FSTL5: variants seen among roughly 807,000 people sequenced by gnomAD.
FSTL5 encodes the protein follistatin like 5, also known as follistatin-related protein 5.
Under a neutral mutation model 89.1 loss-of-function variants are expected in FSTL5, and 62 were observed. That is an observed-to-expected ratio of 0.70 (90% CI 0.57 to 0.86). FSTL5 has a LOEUF of 0.86. FSTL5 is among the 40% of genes least tolerant of loss of function. The probability of loss-of-function intolerance (pLI) is 0.00; values close to 1 mark genes in which losing one functional copy is unlikely to be tolerated. For missense variants in FSTL5, 1,057 were observed against 1,001.6 expected (o/e 1.06, Z -0.75); for synonymous variants, 383 against 346.2 (o/e 1.11, Z -1.18).
Position 161,385,839 on chromosome 4 carries a change from G to A in FSTL5, c.2452C>T (p.Leu818Phe), listed in dbSNP as rs867713984. 1.2e-6 allele frequency: 2 copies of A among 1,613,752 alleles called. No individual in the cohort carries two copies. Among genetic ancestry groups the A allele is most frequent in the South Asian group, 2.2e-5 (2 of 91,056 alleles). ...TTGAGTCGTCCATCTAGGATGAAGA[G>A]AGAGTCCTTGGAAGGTGTCATCAGG... ...QYLMTPSKDS[L>F]FILDGRLNKL... The change falls in exon 16 of 16, where the codon CTC (leucine) becomes TTC (phenylalanine). Residue 818 changes from leucine to phenylalanine, a missense_variant. Physicochemically the swap from Leu to Phe is conservative, Grantham distance 22 (BLOSUM62 0). Around this residue, in one of 3 missense-constraint regions of FSTL5, gnomAD observed 68 missense variants for 73.3 expected, o/e 0.93. Coordinates refer to ENST00000306100, the MANE Select transcript of FSTL5 (RefSeq NM_020116.5).
intron 2 of FSTL5, among the ~76,000 whole-genome samples, chr4:162,049,573 G>A (rs897676422): frequency 6.6e-6 from 1 of 152,108 alleles, no homozygotes; most frequent in African/African-American, 2.4e-5. Context: ...GGTGCCTTTG[G>A]TTCTCAACCC....
intron 6 of FSTL5, among the ~76,000 whole-genome samples, chr4:161,681,813 T>C (rs983642101): frequency 2.0e-5 from 3 of 152,150 alleles, no homozygotes; most frequent in Non-Finnish European, 4.4e-5. Context: ...GTCAAATTGC[T>C]TTACAAAAGA....
intron 4 of FSTL5, among the ~76,000 whole-genome samples, chr4:161,852,032 A>G (rs924091319): frequency 2.0e-5 from 3 of 152,044 alleles, no homozygotes; most frequent in Admixed American, 6.6e-5. Context: ...CAGAAAATGC[A>G]TTGTAAATTA....
chr4:162,111,613 C>T (rs984602978), intron 1 of FSTL5, among the ~76,000 whole-genome samples: 1 of 151,220 alleles, frequency 6.6e-6, no homozygotes, highest in Non-Finnish European at 1.5e-5. Flanking sequence ...TTCATTCAGA[C>T]AGCTATATAA....
At chr4:161,488,690 GGTGAA>G (rs1183444923) in intron 12 of FSTL5, among the ~76,000 whole-genome samples, 2 of 152,014 alleles carry the variant, frequency 1.3e-5, no homozygotes, top group African/African-American at 4.8e-5. Flanking sequence ...TATTTGAAAA[GGTGAA>G]GTGATCAATA....
intron 3 of FSTL5, among the ~76,000 whole-genome samples, chr4:162,005,924 A>T (rs1736602884): frequency 6.6e-6 from 1 of 151,984 alleles, no homozygotes. Context: ...CATATTTACA[A>T]AATTCTAAGT....
intron 6 of FSTL5, among the ~76,000 whole-genome samples, chr4:161,663,446 AG>A (rs1736784778): frequency 1.3e-5 from 2 of 152,284 alleles, no homozygotes; most frequent in South Asian, 4.1e-4. Flanking sequence ...GGCCCATAAA[AG>A]TCCAAAATCC....
chr4:162,053,366 T>C (rs940237445), intron 2 of FSTL5, among the ~76,000 whole-genome samples: 2 of 151,822 alleles, frequency 1.3e-5, no homozygotes, highest in African/African-American at 4.8e-5. Context: ...ATGGTCTTTT[T>C]TTAGTAACGC....
At chr4:161,452,254 T>C (rs1473358575) in intron 15 of FSTL5, among the ~76,000 whole-genome samples, 1 of 152,134 alleles carries the variant, frequency 6.6e-6, no homozygotes, top group African/African-American at 2.4e-5. Context: ...GGTGGGTGGA[T>C]CACCTGAGGT....
intron 3 of FSTL5, among the ~76,000 whole-genome samples, chr4:161,989,096 T>C (rs1736040459): frequency 6.6e-6 from 1 of 152,280 alleles, no homozygotes; most frequent in African/African-American, 2.4e-5. Context: ...TTAAACAGTT[T>C]CCACAACTTG....
chr4:161,805,535 G>A (rs1729938508), intron 4 of FSTL5, among the ~76,000 whole-genome samples: 1 of 152,080 alleles, frequency 6.6e-6, no homozygotes, highest in Non-Finnish European at 1.5e-5. Context: ...AGACAAGAAT[G>A]ACATCCAGAT....
At chr4:161,394,038 A>C (rs1037211556) in intron 15 of FSTL5, among the ~76,000 whole-genome samples, 1 of 152,166 alleles carries the variant, frequency 6.6e-6, no homozygotes, top group South Asian at 2.1e-4. Flanking sequence ...GTGAAAAACT[A>C]AAGTCTAGTT....
intron 1 of FSTL5, among the ~76,000 whole-genome samples, chr4:162,152,713 C>T (rs1733276698): frequency 1.3e-5 from 2 of 152,134 alleles, no homozygotes. Context: ...AAGGAACATA[C>T]ATTTTAGAGA....
chr4:161,897,143 C>T (rs141796650), intron 4 of FSTL5, among the ~76,000 whole-genome samples: 14 of 151,264 alleles, frequency 9.3e-5, no homozygotes, highest in African/African-American at 3.4e-4. Flanking sequence ...AAGAAGAAGC[C>T]TAATATTCAA....
chr4:161,748,628 T>C (rs1004507341), intron 6 of FSTL5, among the ~76,000 whole-genome samples: 11 of 113,910 alleles, frequency 9.7e-5, no homozygotes, highest in African/African-American at 1.3e-4. Context: ...TTTTTTTTTT[T>C]CTCAGACTGA....
chr4:162,120,733 T>C (rs1322512816), intron 1 of FSTL5, among the ~76,000 whole-genome samples: 1 of 152,038 alleles, frequency 6.6e-6, no homozygotes, highest in Non-Finnish European at 1.5e-5. Flanking sequence ...TCCTTATTCC[T>C]AGCATAGTAT....
chr4:161,398,660 T>C lies in FSTL5; in HGVS notation c.1842-12211A>G, dbSNP rs924942187. Among the ~76,000 whole-genome samples, 3 of 152,122 alleles carry C rather than the reference T, an allele frequency of 2.0e-5. 1 individual carries two copies. Among genetic ancestry groups the C allele is most frequent in the South Asian group, 2.1e-4 (1 of 4,830 alleles). On this transcript the variant is annotated intron_variant, in intron 15 of 15. Transcript: ENST00000306100. ...ATTGTATCAGTTAGTCTCAATTTAATTTCACAAATTAGAAGTACATAATTT... is the reference window on the plus strand; with the variant it reads ...ATTGTATCAGTTAGTCTCAATTTAACTTCACAAATTAGAAGTACATAATTT...
chr4:161,945,626 C>T (rs1302210589), intron 3 of FSTL5, among the ~76,000 whole-genome samples: 1 of 152,116 alleles, frequency 6.6e-6, no homozygotes, highest in African/African-American at 2.4e-5. Context: ...GTGGCATGCA[C>T]TTGTAGTCCC....
chr4:161,392,495 G>T (rs569117778), intron 15 of FSTL5, among the ~76,000 whole-genome samples: 4 of 152,240 alleles, frequency 2.6e-5, no homozygotes, highest in Admixed American at 2.0e-4. Context: ...AGTGTGCTGA[G>T]ATTATAGAAA....
Sources: gnomAD v4.1 joint callset for allele counts (sites outside exome capture counted in the v4.1 genomes callset) on GRCh38, gnomAD v4.1.1 for gene constraint, gnomAD v4.1.1 regional missense constraint, MANE v1.5 for transcripts, NCBI Gene and HGNC (gene_info 2026-07-23, HGNC 2026-07-21) for gene names.